PRKN: variants seen among roughly 807,000 people sequenced by gnomAD.
The protein encoded by PRKN is parkin RBR E3 ubiquitin protein ligase, also known as E3 ubiquitin-protein ligase parkin.
A neutral mutation model predicts 59.5 loss-of-function variants in PRKN; 56 were observed. That is an observed-to-expected ratio of 0.94 (90% CI 0.76 to 1.18). PRKN has a LOEUF of 1.18. Ranked by LOEUF, PRKN falls within the 50% of genes most tolerant of loss-of-function variation. The probability of loss-of-function intolerance (pLI) is 0.00; values close to 1 mark genes in which losing one functional copy is unlikely to be tolerated. For synonymous variants in PRKN, 250 were observed against 222.1 expected (o/e 1.13, Z -1.12); for missense variants, 657 against 596.4 (o/e 1.10, Z -1.06).
In PRKN at chr6:161,396,133, C is replaced by A. The variant is rs114402837; in HGVS notation, c.1084-9256G>T. Among the ~76,000 whole-genome samples the A allele has an allele frequency of 2.6e-5, 4 of 152,114 alleles. No individual in the cohort carries two copies. The highest frequency in any genetic ancestry group is 6.5e-5 in the Admixed American group (1 of 15,272). ...TGTATGCTCTCGGTCCCTAATCCCC[C>A]GCCTCTTTTCTTACTTTCTCTTTAC... is the stretch of plus-strand genomic sequence containing the variant. On this transcript the variant is annotated intron_variant, in intron 9 of 11. Transcript: ENST00000366898. This position sits in a 1 kb window ranked among gnomAD's most constrained non-coding sequence, Gnocchi z 5.4.
chr6:162,336,200 C>T (rs1783837607), intron 2 of PRKN, among the ~76,000 whole-genome samples: 1 of 151,970 alleles, frequency 6.6e-6, no homozygotes, highest in African/African-American at 2.4e-5. Flanking sequence ...TCATAAAACT[C>T]AACAGAATAT....
chr6:162,067,998 A>G (rs1778407437), intron 4 of PRKN, among the ~76,000 whole-genome samples: 1 of 152,218 alleles, frequency 6.6e-6, no homozygotes, highest in African/African-American at 2.4e-5. Context: ...TTTCCTTCAG[A>G]GGCCGATGTC....
chr6:162,641,250 T>A (rs1777946900), intron 1 of PRKN, among the ~76,000 whole-genome samples: 1 of 152,136 alleles, frequency 6.6e-6, no homozygotes. Context: ...CAAACCCAAT[T>A]ATTTCTAGTA....
intron 1 of PRKN, among the ~76,000 whole-genome samples, chr6:162,641,220 G>C (rs532515098): frequency 3.9e-5 from 6 of 152,028 alleles, no homozygotes; most frequent in Non-Finnish European, 8.8e-5. Flanking sequence ...AGGTAATTAA[G>C]ACATATGGAA....
At chr6:162,715,087 T>A (rs1778672796) in intron 1 of PRKN, among the ~76,000 whole-genome samples, 1 of 152,178 alleles carries the variant, frequency 6.6e-6, no homozygotes, top group Non-Finnish European at 1.5e-5. Context: ...TTCACCAAAG[T>A]CAAGGCATAT....
At position 162,626,881 on chromosome 6, in the gene PRKN, C is replaced by T. The variant is rs970441995; in HGVS notation, c.7+100781G>A. Among the ~76,000 whole-genome samples, 5 of 151,918 alleles carry T rather than the reference C, an allele frequency of 3.3e-5. No homozygotes were observed. The South Asian group carries it at 6.3e-4, about 19-fold the overall frequency. On this transcript the variant is annotated intron_variant, in intron 1 of 11. Coordinates refer to ENST00000366898, the MANE Select transcript of PRKN (RefSeq NM_004562.3). ...ATATAGTCCCTTCACATGTCTTTAA[C>T]TGCATTATATTCAATAAAATATTCA...
In PRKN at chr6:161,360,405, G is replaced by C. The variant is rs768976081; in HGVS notation, c.1168-200C>G. On this transcript the variant is annotated intron_variant, in intron 10 of 11. Coordinates refer to ENST00000366898, the MANE Select transcript of PRKN (RefSeq NM_004562.3). The surrounding 1 kb of genome is among the most constrained non-coding windows in gnomAD (Gnocchi z 5.1). ...ACTCTCCCTGGCATGTGGCGTATGC[G>C]TAGGAGCGGGGAAGAGATTGTTTGG... 6.6e-6 allele frequency among the ~76,000 whole-genome samples: 1 copy of C among 152,214 alleles called. No homozygotes were observed. The highest frequency in any genetic ancestry group is 1.5e-5 in the Non-Finnish European group (1 of 68,032).
intron 1 of PRKN, among the ~76,000 whole-genome samples, chr6:162,472,457 C>CTTTTA (rs368175916): frequency 0.16 from 19,311 of 123,570 alleles, 2,971 homozygotes; most frequent in Non-Finnish European, 0.2. Context: ...CAAACTCTAA[C>CTTTTA]TTTTATTTTA....
At chr6:161,673,689 T>G (rs925096736) in intron 7 of PRKN, among the ~76,000 whole-genome samples, 4 of 152,140 alleles carry the variant, frequency 2.6e-5, no homozygotes, top group African/African-American at 7.2e-5. Context: ...TGGGGGCTGT[T>G]GCAGTAATCC....
intron 6 of PRKN, among the ~76,000 whole-genome samples, chr6:161,925,459 T>C (rs1778934437): frequency 6.6e-6 from 1 of 152,034 alleles, no homozygotes; most frequent in Non-Finnish European, 1.5e-5. Context: ...TGATCCCAGC[T>C]ACTCAGGAGG....
At position 162,056,317 on chromosome 6, in the gene PRKN, GCACA is replaced by G. The variant is rs376103058; in HGVS notation, c.535-2147_535-2144del. On this transcript the variant is annotated intron_variant, in intron 4 of 11. Transcript: ENST00000366898. The surrounding 1 kb of genome is among the most constrained non-coding windows in gnomAD (Gnocchi z 4.9). ...ATGCATAAACACACCACGCACACAC[GCACA>G]CACACACAATACCACACAGCACACA... Among the ~76,000 whole-genome samples the G allele has an allele frequency of 2.0e-5, 3 of 148,352 alleles. No homozygotes were observed. The highest frequency in any genetic ancestry group is 2.2e-4 in the South Asian group (1 of 4,576).
intron 6 of PRKN, among the ~76,000 whole-genome samples, chr6:161,871,769 G>A (rs1794350275): frequency 6.6e-6 from 1 of 152,016 alleles, no homozygotes; most frequent in African/African-American, 2.4e-5. Context: ...ATCAAACATG[G>A]GTTTTAAGCA....
At chr6:161,677,875 A>C (rs537761528) in intron 7 of PRKN, among the ~76,000 whole-genome samples, 1 of 152,252 alleles carries the variant, frequency 6.6e-6, no homozygotes, top group East Asian at 1.9e-4. Context: ...AACAAGAATA[A>C]TATGTTATAG....
At chr6:161,991,359 T>C (rs1480649090) in intron 5 of PRKN, among the ~76,000 whole-genome samples, 1 of 152,056 alleles carries the variant, frequency 6.6e-6, no homozygotes, top group Admixed American at 6.6e-5. Flanking sequence ...CAAATGCTAC[T>C]ATTACAGAAA....
In PRKN at chr6:161,378,726, C is replaced by A. The variant is rs527657596; in HGVS notation, c.1167+8068G>T. Among the ~76,000 whole-genome samples the A allele has an allele frequency of 6.6e-6, 1 of 152,170 alleles. No homozygotes were observed. The highest frequency in any genetic ancestry group is 1.5e-5 in the Non-Finnish European group (1 of 68,040). ...ATGAGACGGATGGACCAGGCTTGCA[C>A]GATGCCGCTGGAGCTGCACTGTGAT... On this transcript the variant is annotated intron_variant, in intron 10 of 11. Transcript: ENST00000366898. The surrounding 1 kb of genome is among the most constrained non-coding windows in gnomAD (Gnocchi z 7.3).
At chr6:162,238,040 C>T (rs572243751) in intron 3 of PRKN, among the ~76,000 whole-genome samples, 1 of 152,300 alleles carries the variant, frequency 6.6e-6, no homozygotes, top group African/African-American at 2.4e-5. Flanking sequence ...ATATCCTCAT[C>T]AGCAAAATGA....
chr6:162,297,262 A>G (rs2128111650), intron 2 of PRKN, among the ~76,000 whole-genome samples: 1 of 149,384 alleles, frequency 6.7e-6, no homozygotes, highest in Non-Finnish European at 1.5e-5. Flanking sequence ...TATACATGGG[A>G]CCTAAAATAG....
chr6:161,604,274 C>T lies in PRKN; in HGVS notation c.872-34858G>A, dbSNP rs1046554540. Among the ~76,000 whole-genome samples the T allele has an allele frequency of 2.6e-5, 4 of 152,094 alleles. No individual in the cohort carries two copies. In the South Asian group the frequency reaches 8.3e-4, roughly 32 times the overall value. ...AGTTCTTGTAAATTAAAAAAAGCAC[C>T]TTCAAAACACAGAGACAATCCAGAC... On this transcript the variant is annotated intron_variant, in intron 7 of 11. Transcript: ENST00000366898.
chr6:162,468,318 T>C (rs1791538006), intron 1 of PRKN, among the ~76,000 whole-genome samples: 1 of 152,206 alleles, frequency 6.6e-6, no homozygotes, highest in Admixed American at 6.5e-5. Context: ...TCTTTTATTG[T>C]ATCCTGAGTG....
Sources: allele counts gnomAD v4.1 joint callset (sites outside exome capture counted in the v4.1 genomes callset), GRCh38; gene constraint gnomAD v4.1.1; non-coding constraint Gnocchi (gnomAD v3.1); transcripts MANE v1.5; gene names NCBI Gene and HGNC (gene_info 2026-07-23, HGNC 2026-07-21).